RPS3A: variants seen among roughly 807,000 people sequenced by gnomAD.
RPS3A encodes the protein small ribosomal subunit protein eS1.
Under a neutral mutation model 26.4 loss-of-function variants are expected in RPS3A, and 1 was observed. The ratio of observed to expected loss-of-function variants is 0.04; its 90% confidence interval spans 0.01 to 0.18. RPS3A has a LOEUF of 0.18. RPS3A is among the 10% of genes least tolerant of loss of function. The probability of loss-of-function intolerance (pLI) is 1.00; values close to 1 mark genes in which losing one functional copy is unlikely to be tolerated. For missense variants in RPS3A, 139 were observed against 326.8 expected, an observed-to-expected ratio of 0.43 and a Z score of 4.43; for synonymous variants, 97 against 106.1, an observed-to-expected ratio of 0.91 and a Z score of 0.53.
intron 3 of RPS3A, 86 bp downstream of exon 3, chr4:151,101,248 A>G (rs1488130913): frequency 1.3e-6 from 1 of 750,078 alleles, no homozygotes; most frequent in East Asian, 2.9e-5. Context: ...GAGCAAGTTC[A>G]TTTTATTTAT....
intron 3 of RPS3A, among the ~76,000 whole-genome samples, chr4:151,101,511 G>A (rs1177837330): frequency 6.6e-6 from 1 of 152,128 alleles, no homozygotes; most frequent in African/African-American, 2.4e-5. Flanking sequence ...AGTGAATGTT[G>A]ATTAACTGTG....
intron 3 of RPS3A, chr4:151,102,619 A>G: frequency 2.1e-6 from 1 of 473,348 alleles, no homozygotes; most frequent in Non-Finnish European, 3.8e-6. Context: ...AGATAGTGGT[A>G]GTGTTAATGG....
chr4:151,104,015 G>A, intron 4 of RPS3A, 162 bp from the exon 5 acceptor site: 4 of 1,495,240 alleles, frequency 2.7e-6, no homozygotes, highest in Non-Finnish European at 1.8e-6. Context: ...CTTTACATGT[G>A]AAAGGTAAAT....
intron 1 of RPS3A, chr4:151,099,970 A>G (rs1267120210): frequency 1.5e-6 from 1 of 664,694 alleles, no homozygotes; most frequent in South Asian, 1.5e-5. Context: ...CTGGAATGTT[A>G]GTTTTGTGGG....
intron 1 of RPS3A, 47 bp downstream of exon 1, chr4:151,099,761 A>G (rs1561163664): frequency 1.9e-6 from 3 of 1,570,064 alleles, no homozygotes; most frequent in Non-Finnish European, 2.6e-6. Context: ...GGTCTGCTGG[A>G]ATCGGCGGGC....
At chr4:151,101,253 AT>A in intron 3 of RPS3A, 91 bp downstream of exon 3, 1 of 733,436 alleles carries the variant, frequency 1.4e-6, no homozygotes. Context: ...AGTTCATTTT[AT>A]TTATTTATTG....
At position 151,104,521 on chromosome 4, in the gene RPS3A, C is replaced by T. The variant is rs1231987907; in HGVS notation, c.723C>T (p.Ala241=). Residue 241 remains alanine, a synonymous_variant, in exon 6 of 6, where the codon GCC becomes GCT. Transcript: ENST00000274065. ...GTGAAGGCAGTAGTTCTGGAAAAGC[C>T]ACTGGGGACGAGACAGGTGCTAAAG... ...LHGEGSSSGK[A]TGDETGAKVE... The T allele has an allele frequency of 4.7e-6, 7 of 1,489,124 alleles. No homozygotes were observed. Among genetic ancestry groups the T allele is most frequent in the Non-Finnish European group, 6.2e-6 (7 of 1,126,874 alleles). The allele number at this position is 1,489,124 out of a possible 1,614,324, so 92.2% of individuals were successfully genotyped here.
At chr4:151,100,000 C>T (rs752828412) in intron 1 of RPS3A, 1 of 635,714 alleles carries the variant, frequency 1.6e-6, no homozygotes, top group Non-Finnish European at 2.9e-6. Context: ...TGCCTCAATT[C>T]TGCGAGTGTT....
At chr4:151,104,311 T>C in intron 5 of RPS3A, 25 bp downstream of exon 5, 7 of 1,609,238 alleles carry the variant, frequency 4.3e-6, no homozygotes, top group Non-Finnish European at 5.1e-6. Flanking sequence ...ACATGATTCC[T>C]GTAGGGCCAA....
intron 3 of RPS3A, among the ~76,000 whole-genome samples, 160 bp downstream of exon 3, chr4:151,101,322 A>C (rs1341131368): frequency 6.6e-6 from 1 of 152,190 alleles, no homozygotes; most frequent in African/African-American, 2.4e-5. Flanking sequence ...GCCGTTGTTG[A>C]GTGCTAACTC....
chr4:151,102,332 T>C (rs1242687970), intron 3 of RPS3A, among the ~76,000 whole-genome samples: 1 of 151,974 alleles, frequency 6.6e-6, no homozygotes, highest in Non-Finnish European at 1.5e-5. Flanking sequence ...TTTTTAATTA[T>C]ATTTTAGCTC....
chr4:151,104,439 G>GTTTTTTTTGTTT (rs1747274715), intron 5 of RPS3A, 33 bp from the exon 6 acceptor site: 18 of 711,688 alleles, frequency 2.5e-5, no homozygotes, highest in Non-Finnish European at 3.1e-5. Context: ...CAGTTTTTTG[G>GTTTTTTTTGTTT]TTTTTTTTTT....
At chr4:151,099,976 G>C (rs1488788795) in intron 1 of RPS3A, 3 of 658,512 alleles carry the variant, frequency 4.6e-6, no homozygotes, top group East Asian at 6.0e-5. Flanking sequence ...TGTTAGTTTT[G>C]TGGGCTCACG....
At position 151,102,873 on chromosome 4, in the gene RPS3A, A is replaced by G; in HGVS notation, c.357A>G (p.Thr119=). 6.2e-7 allele frequency: 1 copy of G among 1,609,638 alleles called. No homozygotes were observed. Among genetic ancestry groups the G allele is most frequent in the Middle Eastern group, 2.0e-4 (1 of 4,990 alleles). The change falls in exon 4 of 6, where the codon ACA becomes ACG. Residue 119 remains threonine (T), a splice_region_variant and synonymous_variant. Transcript: ENST00000274065. ...KMCSMVKKWQ[T]MIEAHVDVKT... ...CTGACGGTATCTTTTTTCTCCAGAC[A>G]ATGATTGAAGCTCACGTTGATGTCA...
intron 1 of RPS3A, among the ~76,000 whole-genome samples, chr4:151,100,253 G>A (rs541676329): frequency 8.5e-5 from 13 of 152,328 alleles, no homozygotes; most frequent in Non-Finnish European, 1.5e-4. Context: ...TGTAGTGGAT[G>A]GACCGATGAG....
chr4:151,102,561 T>G (rs778663917), intron 3 of RPS3A, among the ~76,000 whole-genome samples: 3 of 152,026 alleles, frequency 2.0e-5, no homozygotes, highest in Non-Finnish European at 4.4e-5. Flanking sequence ...TATGAGCTGT[T>G]TAAAGGGGTA....
At chr4:151,100,039 G>T (rs1162138849) in intron 1 of RPS3A, 1 of 589,850 alleles carries the variant, frequency 1.7e-6, no homozygotes, top group South Asian at 1.5e-5. Flanking sequence ...AGGAGTTGAG[G>T]AAAGCACCCT....
chr4:151,103,257 T>C, intron 4 of RPS3A, 178 bp downstream of exon 4: 3 of 1,205,436 alleles, frequency 2.5e-6, no homozygotes, highest in East Asian at 5.7e-5. Context: ...TTATTATTAC[T>C]ATTATTATTT....
intron 4 of RPS3A, chr4:151,103,329 C>T (rs1747214425): frequency 3.0e-6 from 2 of 659,314 alleles, no homozygotes; most frequent in Non-Finnish European, 4.2e-6. Context: ...CCTTGGCTCA[C>T]TGTAACCACT....
Sources: gnomAD v4.1 joint callset for allele counts (sites outside exome capture counted in the v4.1 genomes callset) on GRCh38, gnomAD v4.1.1 for gene constraint, MANE v1.5 for transcripts, NCBI Gene and HGNC (gene_info 2026-07-23, HGNC 2026-07-21) for gene names.